FANCD2: variants seen among roughly 807,000 people sequenced by gnomAD.
FANCD2 encodes Fanconi anemia group D2 protein.
Under a neutral mutation model 192.3 loss-of-function variants are expected in FANCD2, and 131 were observed. That is an observed-to-expected ratio of 0.68 (90% CI 0.59 to 0.79). The LOEUF (loss-of-function observed/expected upper bound fraction) is 0.79, where lower values mean the gene tolerates loss of function less well. Ranked by LOEUF, FANCD2 falls within the 30% of genes least tolerant of loss-of-function variation. The pLI is 0.00. For synonymous variants in FANCD2, 524 were observed against 612.5 expected (o/e 0.86, Z 2.13); for missense variants, 1,508 against 1,701.6 (o/e 0.89, Z 2.00).
At chr3:10,050,107 T>G (rs2087151252) in intron 17 of FANCD2, among the ~76,000 whole-genome samples, 1 of 152,196 alleles carries the variant, frequency 6.6e-6, no homozygotes, top group Non-Finnish European at 1.5e-5. Context: ...TCAACTTTAT[T>G]TTTTAGACAA....
intron 18 of FANCD2, among the ~76,000 whole-genome samples, chr3:10,058,518 CTTATT>C (rs1466596508): frequency 6.6e-6 from 1 of 152,092 alleles, no homozygotes. Context: ...TTGTATATAG[CTTATT>C]TTAATATTTT....
intron 18 of FANCD2, chr3:10,058,059 G>A: frequency 2.0e-6 from 1 of 488,664 alleles, no homozygotes; most frequent in South Asian, 1.9e-5. Context: ...TTTCTTCCAG[G>A]GATGTACTTC....
chr3:10,086,501 T>C (rs1303144813), intron 33 of FANCD2, among the ~76,000 whole-genome samples: 1 of 152,102 alleles, frequency 6.6e-6, no homozygotes, highest in Non-Finnish European at 1.5e-5. Flanking sequence ...TCTTCTTTTT[T>C]TTTTCTTTGA....
At chr3:10,100,925 C>A (rs989102567) in intron 43 of FANCD2, among the ~76,000 whole-genome samples, 1 of 152,000 alleles carries the variant, frequency 6.6e-6, no homozygotes, top group African/African-American at 2.4e-5. Context: ...AAAAATTAGC[C>A]GGGCGTGGTG....
At chr3:10,079,093 A>T (rs895991098) in intron 30 of FANCD2, among the ~76,000 whole-genome samples, 1 of 151,910 alleles carries the variant, frequency 6.6e-6, no homozygotes, top group African/African-American at 2.4e-5. Flanking sequence ...ATACAAAAAA[A>T]ATTAGCCAGG....
At position 10,039,861 on chromosome 3, in the gene FANCD2, G is replaced by C. The variant is rs17032283; in HGVS notation, c.695+16G>C. ...AAGAACTCAGGTGGATAAACCCTCTGTCATCATCTAAGTGAGGCTCAGCTA... is the reference window on the plus strand; with the variant it reads ...AAGAACTCAGGTGGATAAACCCTCTCTCATCATCTAAGTGAGGCTCAGCTA... On this transcript the variant is annotated intron_variant, in intron 9 of 43. Coordinates refer to ENST00000675286, the MANE Select transcript of FANCD2 (RefSeq NM_001018115.3). 0.17 allele frequency: 271,930 copies of C among 1,613,274 alleles called. 24,498 individuals are homozygous for C. The highest frequency in any genetic ancestry group is 0.32 in the African/African-American group (24,310 of 74,834).
In FANCD2 at chr3:10,098,790, A is replaced by G. The variant is rs538650975; in HGVS notation, c.4256A>G (p.Gln1419Arg). 1 of 1,614,206 alleles carries G rather than the reference A, an allele frequency of 6.2e-7. No homozygotes were observed. Among genetic ancestry groups the G allele is most frequent in the South Asian group, 1.1e-5 (1 of 91,090 alleles). The part of the protein sequence containing the change: ...ADESEDDMSS[Q>R]ASKSKATEDG... Reference sequence around the variant, plus strand: ...GAGAGTGAGGATGACATGTCATCCCAGGCCTCCAAGAGCAAAGCCACTGAG... The same window carrying G: ...GAGAGTGAGGATGACATGTCATCCCGGGCCTCCAAGAGCAAAGCCACTGAG... Residue 1419 changes from glutamine (Q) to arginine (R), a missense_variant, in exon 43 of 44, where the codon CAG becomes CGG. By Grantham distance (43) the Gln-to-Arg change is conservative. Around this residue, in one of 5 missense-constraint regions of FANCD2, gnomAD observed 796 missense variants for 879.4 expected, o/e 0.91. Transcript: ENST00000675286.
chr3:10,081,673 G>C (rs1297473505), intron 32 of FANCD2: 7 of 597,394 alleles, frequency 1.2e-5, no homozygotes, highest in Non-Finnish European at 2.1e-5. Context: ...TAACCCATTT[G>C]ACAGATTAGG....
Position 10,043,512 on chromosome 3 carries a change from C to G in FANCD2, c.1018C>G (p.Gln340Glu), listed in dbSNP as rs2086918352. The G allele has an allele frequency of 1.9e-6, 3 of 1,613,628 alleles. No individual in the cohort carries two copies. Among genetic ancestry groups the G allele is most frequent in the East Asian group, 2.2e-5 (1 of 44,886 alleles). The change falls in exon 13 of 44, where the codon CAG (glutamine) becomes GAG (glutamate). Residue 340 changes from glutamine to glutamate, a missense_variant. Transcript: ENST00000675286. ...CTCAGGAAATCAAGAAAGCAGCGGT[C>G]AGAGCTGTATTATTCTCCTCTTTGA... The part of the protein sequence containing the change: ...SSSGNQESSG[Q>E]SCIILLFDVI...
chr3:10,027,875 A>G (rs2124959395), intron 1 of FANCD2, among the ~76,000 whole-genome samples: 1 of 136,498 alleles, frequency 7.3e-6, no homozygotes, highest in Non-Finnish European at 1.5e-5. Flanking sequence ...ACTGCACTCC[A>G]GCCTGGGTGA....
At chr3:10,061,824 A>G (rs1332633533) in intron 19 of FANCD2, among the ~76,000 whole-genome samples, 1 of 152,116 alleles carries the variant, frequency 6.6e-6, no homozygotes, top group Admixed American at 6.6e-5. Context: ...TCTTAAACTT[A>G]TTGGCAGTTG....
Position 10,101,374 on chromosome 3 carries a change from CCT to C in FANCD2, c.*115_*116del, listed in dbSNP as rs376489415. ...CTTACTGGTAGGATCCTTTTTTGTTCCTCTTTTTTTTTTTTTTTTTTTTTTTT... is the reference window on the plus strand; with the variant it reads ...CTTACTGGTAGGATCCTTTTTTGTTCCTTTTTTTTTTTTTTTTTTTTTTTT... On this transcript the variant is annotated 3_prime_UTR_variant, in exon 44 of 44. Coordinates refer to ENST00000675286, the MANE Select transcript of FANCD2 (RefSeq NM_001018115.3). The C allele has an allele frequency of 5.2e-6, 3 of 577,302 alleles. No individual in the cohort carries two copies. Among genetic ancestry groups the C allele is most frequent in the East Asian group, 3.2e-5 (1 of 31,282 alleles). 35.8% of individuals were successfully genotyped at this position (577,302 alleles called of 1,614,324 possible).
intron 14 of FANCD2, 61 bp downstream of exon 14, chr3:10,043,925 G>A (rs1374485836): frequency 2.2e-6 from 3 of 1,370,926 alleles, no homozygotes; most frequent in Admixed American, 1.7e-5. Context: ...ACATTGGCTA[G>A]CTTGCCTTCC....
Position 10,052,498 on chromosome 3 carries a change from G to A in FANCD2, c.1656+1G>A, listed in dbSNP as rs748688174. On this transcript the variant is annotated splice_donor_variant, in intron 18 of 43. Transcript: ENST00000675286. LOFTEE classifies it high-confidence loss of function. ...GAATGAAGCCAGCAGCCACATCCAG[G>A]TAAGAGGCAATATGTTGGGAAAGAT... 4 of 1,598,518 alleles carry A rather than the reference G, an allele frequency of 2.5e-6. No homozygotes were observed. The highest frequency in any genetic ancestry group is 2.7e-5 in the African/African-American group (2 of 74,236).
chr3:10,091,411 G>T (rs906527447), intron 37 of FANCD2, among the ~76,000 whole-genome samples: 8 of 149,420 alleles, frequency 5.4e-5, no homozygotes, highest in African/African-American at 2.0e-4. Context: ...GGCAAAGGCT[G>T]CAGTGAGCCA....
chr3:10,035,120 A>G, intron 5 of FANCD2, 53 bp from the exon 6 acceptor site: 1 of 1,423,920 alleles, frequency 7.0e-7, no homozygotes. Context: ...AGATGATAAA[A>G]GCATTAAAAC....
intron 2 of FANCD2, 109 bp downstream of exon 2, chr3:10,028,830 A>G: frequency 4.2e-6 from 4 of 950,228 alleles, no homozygotes; most frequent in East Asian, 2.5e-5. Flanking sequence ...AGTGTAATGA[A>G]TGGAGTGCAC....
At chr3:10,034,345 A>T in intron 3 of FANCD2, 124 bp from the exon 4 acceptor site, 3 of 707,572 alleles carry the variant, frequency 4.2e-6, no homozygotes, top group South Asian at 1.6e-5. Flanking sequence ...AAAAAAAAAA[A>T]GATTTGTCTC....
At chr3:10,036,664 G>A (rs1280612752) in intron 7 of FANCD2, among the ~76,000 whole-genome samples, 1 of 151,526 alleles carries the variant, frequency 6.6e-6, no homozygotes, top group African/African-American at 2.4e-5. Flanking sequence ...GTGAGACCTT[G>A]TCTGTATTTC....
Sources: allele counts gnomAD v4.1 joint callset (sites outside exome capture counted in the v4.1 genomes callset), GRCh38; gene constraint gnomAD v4.1.1; regional missense constraint gnomAD v4.1.1; transcripts MANE v1.5; gene names NCBI Gene and HGNC (gene_info 2026-07-23, HGNC 2026-07-21).